Variants in FOXJ3 observed in about 807,000 individuals in gnomAD.
The protein encoded by FOXJ3 is forkhead box protein J3.
Under a neutral mutation model 76.1 loss-of-function variants are expected in FOXJ3, and 22 were observed. That is an observed-to-expected ratio of 0.29 (90% CI 0.21 to 0.41). FOXJ3 has a LOEUF of 0.41. Among genes scored for constraint, FOXJ3 ranks in the 10% least tolerant of loss-of-function variants. The probability of loss-of-function intolerance (pLI) is 1.00; values close to 1 mark genes in which losing one functional copy is unlikely to be tolerated. For missense variants in FOXJ3, 613 were observed against 762.1 expected (o/e 0.80, Z 2.30); for synonymous variants, 269 against 261.2 (o/e 1.03, Z -0.29).
At chr1:42,248,730 C>CTTTTTTTTT (rs4019587) in intron 4 of FOXJ3, among the ~76,000 whole-genome samples, 4 of 92,190 alleles carry the variant, frequency 4.3e-5, no homozygotes, top group Admixed American at 1.3e-4. Context: ...CCTGTTTTTT[C>CTTTTTTTTT]TTTTTTTTTT....
intron 4 of FOXJ3, among the ~76,000 whole-genome samples, chr1:42,251,901 T>C (rs1475254303): frequency 3.3e-5 from 5 of 151,888 alleles, no homozygotes; most frequent in Non-Finnish European, 7.4e-5. Context: ...GTATTTTTAG[T>C]AGAGACGGGG....
At chr1:42,276,079 G>A (rs1652238356) in intron 3 of FOXJ3, among the ~76,000 whole-genome samples, 1 of 152,190 alleles carries the variant, frequency 6.6e-6, no homozygotes, top group Admixed American at 6.5e-5. Flanking sequence ...TAATTGGCCA[G>A]GCACAGTGGC....
rs577340110 is a variant in FOXJ3 at position 42,240,524 on chromosome 1, G to A, written c.445-12558C>T. ...CATAGGAGCAGACATACAGATCAAT[G>A]GAACTGATCCGACAGTCTAGAAGTA... On this transcript the variant is annotated intron_variant, in intron 4 of 12. Coordinates refer to ENST00000361346, the MANE Select transcript of FOXJ3 (RefSeq NM_014947.5). 2.1e-4 allele frequency among the ~76,000 whole-genome samples: 32 copies of A among 152,270 alleles called. No homozygotes were observed. The South Asian group carries it at 4.4e-3, about 21-fold the overall frequency.
At chr1:42,334,289 T>A (rs1007939767) in intron 1 of FOXJ3, 1 of 177,036 alleles carries the variant, frequency 5.6e-6, no homozygotes, top group African/African-American at 2.4e-5. Flanking sequence ...TCTCGATTCT[T>A]CATCTAACCA....
intron 8 of FOXJ3, 37 bp downstream of exon 8, chr1:42,194,852 TA>T: frequency 7.3e-7 from 1 of 1,367,892 alleles, no homozygotes; most frequent in Non-Finnish European, 1.0e-6. Flanking sequence ...CTTTTTCCAA[TA>T]AAACTTTGTT....
chr1:42,230,643 G>A (rs888344911), intron 4 of FOXJ3, among the ~76,000 whole-genome samples: 2 of 152,234 alleles, frequency 1.3e-5, no homozygotes, highest in Admixed American at 6.5e-5. Flanking sequence ...TCATGTTGGC[G>A]CTCAACAAGT....
intron 6 of FOXJ3, among the ~76,000 whole-genome samples, chr1:42,201,400 C>T (rs896965593): frequency 6.6e-6 from 1 of 152,142 alleles, no homozygotes; most frequent in Non-Finnish European, 1.5e-5. Flanking sequence ...CTTTACCACA[C>T]TGAAAAAATT....
At chr1:42,217,764 G>A (rs1215286399) in intron 5 of FOXJ3, among the ~76,000 whole-genome samples, 1 of 152,146 alleles carries the variant, frequency 6.6e-6, no homozygotes, top group Non-Finnish European at 1.5e-5. Context: ...GAATTTCTGG[G>A]GATGATGAAA....
rs149216291 is a variant in FOXJ3 at position 42,177,271 on chromosome 1, T to A, written c.*2439A>T. ...CATTCTTGCTAAGTTTAAATTCTCATAAAAATATTCATCACTGCAAATCAG... is the reference window on the plus strand; with the variant it reads ...CATTCTTGCTAAGTTTAAATTCTCAAAAAAATATTCATCACTGCAAATCAG... On this transcript the variant is annotated 3_prime_UTR_variant, in exon 13 of 13. Coordinates refer to ENST00000361346, the MANE Select transcript of FOXJ3 (RefSeq NM_014947.5). 2.6e-5 allele frequency: 4 copies of A among 152,742 alleles called. No individual in the cohort carries two copies. Among genetic ancestry groups the A allele is most frequent in the African/African-American group, 9.6e-5 (4 of 41,564 alleles). 9.5% of individuals were successfully genotyped at this position (152,742 alleles called of 1,614,324 possible).
intron 5 of FOXJ3, among the ~76,000 whole-genome samples, chr1:42,225,486 A>G (rs1647481108): frequency 6.6e-6 from 1 of 152,234 alleles, no homozygotes; most frequent in African/African-American, 2.4e-5. Context: ...ATTATGTTCC[A>G]TAAGAACACT....
chr1:42,306,297 T>TC (rs1491320646), intron 2 of FOXJ3, among the ~76,000 whole-genome samples: 1 of 127,632 alleles, frequency 7.8e-6, no homozygotes, highest in Non-Finnish European at 1.6e-5. Flanking sequence ...TGAACTTTTT[T>TC]CTTTTTTTTT....
intron 4 of FOXJ3, among the ~76,000 whole-genome samples, chr1:42,231,152 TA>T (rs34865801): frequency 0.72 from 104,615 of 144,988 alleles, 37,556 homozygotes; most frequent in Admixed American, 0.8. Context: ...CGTCTCTACT[TA>T]AAAAAAAAAA....
intron 11 of FOXJ3, among the ~76,000 whole-genome samples, chr1:42,185,751 T>G (rs973387774): frequency 6.6e-6 from 1 of 152,046 alleles, no homozygotes; most frequent in Non-Finnish European, 1.5e-5. Context: ...TATAAACAAA[T>G]TATAACCACA....
In FOXJ3 at chr1:42,237,172, G is replaced by A. The variant is rs377256299; in HGVS notation, c.445-9206C>T. 8.6e-5 allele frequency among the ~76,000 whole-genome samples: 13 copies of A among 151,704 alleles called. No individual in the cohort carries two copies. In the East Asian group the frequency reaches 1.2e-3, roughly 14 times the overall value. ...GGGTGGATCACGAGGTAAGGAGATC[G>A]AGACCATCCTGGCTAACACGGTAAA... On this transcript the variant is annotated intron_variant, in intron 4 of 12. Coordinates refer to ENST00000361346, the MANE Select transcript of FOXJ3 (RefSeq NM_014947.5).
rs192913386 is a variant in FOXJ3, at chr1:42,314,460, C to T, written c.-17-3350G>A. ...AGGGGGTTTCACCATGTTGGTCAGG[C>T]TGGTCTTGAACTGCTGACCTCAGGT... On this transcript the variant is annotated intron_variant, in intron 1 of 12. Coordinates refer to ENST00000361346, the MANE Select transcript of FOXJ3 (RefSeq NM_014947.5). Among the ~76,000 whole-genome samples, 25 of 152,288 alleles carry T rather than the reference C, an allele frequency of 1.6e-4. No individual in the cohort carries two copies. In the East Asian group the frequency reaches 4.8e-3, roughly 29 times the overall value.
Position 42,311,122 on chromosome 1 carries a change from A to C in FOXJ3, c.-17-12T>G. ...GCCACAAAGAGAATCTGAAAAGCAA[A>C]GAAGAGTTAGTTATCAGATACTGCA... On this transcript the variant is annotated splice_polypyrimidine_tract_variant and intron_variant, in intron 1 of 12. Coordinates refer to ENST00000361346, the MANE Select transcript of FOXJ3 (RefSeq NM_014947.5). 1 of 1,575,760 alleles carries C rather than the reference A, an allele frequency of 6.3e-7. No homozygotes were observed. Among genetic ancestry groups the C allele is most frequent in the East Asian group, 2.3e-5 (1 of 44,380 alleles).
At chr1:42,333,007 T>C (rs568900656) in intron 1 of FOXJ3, among the ~76,000 whole-genome samples, 2 of 152,284 alleles carry the variant, frequency 1.3e-5, no homozygotes, top group Non-Finnish European at 2.9e-5. Flanking sequence ...AGAGACCACG[T>C]ATCTTATTCG....
chr1:42,200,846 AT>A (rs1646750883), intron 6 of FOXJ3, among the ~76,000 whole-genome samples: 1 of 151,842 alleles, frequency 6.6e-6, no homozygotes, highest in African/African-American at 2.4e-5. Context: ...CTATCAGCTT[AT>A]TTTCTACCCA....
At chr1:42,242,630 ACACATGCTG>A (rs986565371) in intron 4 of FOXJ3, among the ~76,000 whole-genome samples, 1 of 151,780 alleles carries the variant, frequency 6.6e-6, no homozygotes, top group Non-Finnish European at 1.5e-5. Context: ...CATTCATGCC[ACACATGCTG>A]CCCAGGTGAC....
Sources: gnomAD v4.1 joint callset for allele counts (sites outside exome capture counted in the v4.1 genomes callset) on GRCh38, gnomAD v4.1.1 for gene constraint, MANE v1.5 for transcripts, NCBI Gene and HGNC (gene_info 2026-07-23, HGNC 2026-07-21) for gene names.